EGFR: variants seen among roughly 807,000 people sequenced by gnomAD.
EGFR encodes the protein epidermal growth factor receptor.
EGFR carries 58 observed loss-of-function variants against 143.0 expected under a neutral mutation model. The ratio of observed to expected loss-of-function variants is 0.41; its 90% CI spans 0.33 to 0.50. The LOEUF (loss-of-function observed/expected upper bound fraction) is 0.50, where lower values mean the gene tolerates loss of function less well. EGFR is among the 20% of genes least tolerant of loss of function. The pLI is 0.39. For missense variants in EGFR, 1,307 were observed against 1,579.0 expected (o/e 0.83, Z 2.92); for synonymous variants, 613 against 594.4 (o/e 1.03, Z -0.45).
chr7:55,206,047 A>C lies in EGFR; in HGVS notation c.*430A>C. On this transcript the variant is annotated 3_prime_UTR_variant, in exon 28 of 28. Coordinates refer to ENST00000275493, the MANE Select transcript of EGFR (RefSeq NM_005228.5). ...GCTACCCTGAGTTCATCCAGGCCCAACTGTGAGCAAGGAGCACAAGCCACA... is the reference window on the plus strand; with the variant it reads ...GCTACCCTGAGTTCATCCAGGCCCACCTGTGAGCAAGGAGCACAAGCCACA... 2.8e-6 allele frequency: 1 copy of C among 357,006 alleles called. No individual in the cohort carries two copies. The allele number at this position is 357,006 out of a possible 1,614,324, so 22.1% of individuals were successfully genotyped here. A position where few individuals can be genotyped will look rare whatever the true frequency, so the allele number is the denominator to read the frequency against.
intron 1 of EGFR, among the ~76,000 whole-genome samples, chr7:55,080,693 T>C (rs1481147727): frequency 2.0e-5 from 3 of 152,310 alleles, no homozygotes; most frequent in African/African-American, 7.2e-5. Context: ...ATTTTAAGTG[T>C]TCTCACCACA....
intron 1 of EGFR, among the ~76,000 whole-genome samples, chr7:55,042,746 G>A (rs557285900): frequency 1.4e-4 from 21 of 152,120 alleles, no homozygotes; most frequent in Admixed American, 2.0e-4. Flanking sequence ...AATGATAACA[G>A]GTCAAACTTT....
rs1351771123 is a variant in EGFR at position 55,201,743 on chromosome 7, C to G, written c.3123C>G (p.Thr1041=). The change falls in exon 26 of 28, where the codon ACC becomes ACG. Residue 1041 remains threonine, a synonymous_variant. Transcript: ENST00000275493. The part of the protein sequence containing the change: ...RTPLLSSLSA[T]SNNSTVACID... ...CTCTGTTTCTTTTTCAGAGTGCAAC[C>G]AGCAACAATTCCACCGTGGCTTGCA... The G allele has an allele frequency of 1.2e-6, 2 of 1,614,178 alleles. No homozygotes were observed. The highest frequency in any genetic ancestry group is 1.7e-5 in the Admixed American group (1 of 60,024).
intron 1 of EGFR, among the ~76,000 whole-genome samples, chr7:55,024,407 C>A (rs1268891373): frequency 1.3e-5 from 2 of 152,188 alleles, no homozygotes; most frequent in African/African-American, 2.4e-5. Flanking sequence ...CAAGTTTTAT[C>A]TCATTCTGGT....
intron 1 of EGFR, among the ~76,000 whole-genome samples, chr7:55,107,786 C>T (rs1562719941): frequency 6.6e-6 from 1 of 152,234 alleles, no homozygotes; most frequent in Non-Finnish European, 1.5e-5. Context: ...GCCCACTCTG[C>T]ATTATCTTCC....
intron 19 of EGFR, among the ~76,000 whole-genome samples, chr7:55,175,275 G>C (rs921213431): frequency 3.3e-5 from 5 of 152,142 alleles, no homozygotes; most frequent in African/African-American, 1.2e-4. Flanking sequence ...CTTTGAAATG[G>C]CTTTTTTTAA....
chr7:55,173,362 G>A (rs1278361223), intron 17 of EGFR, among the ~76,000 whole-genome samples: 2 of 152,254 alleles, frequency 1.3e-5, no homozygotes, highest in South Asian at 2.1e-4. Flanking sequence ...TGTGGCATCT[G>A]CTTAGGACCC....
At chr7:55,047,223 G>A (rs939026104) in intron 1 of EGFR, among the ~76,000 whole-genome samples, 4 of 152,204 alleles carry the variant, frequency 2.6e-5, no homozygotes, top group African/African-American at 9.6e-5. Context: ...CCTGATTGCA[G>A]GCCATTTGCT....
chr7:55,043,171 G>A (rs189751675), intron 1 of EGFR, among the ~76,000 whole-genome samples: 7 of 152,220 alleles, frequency 4.6e-5, no homozygotes, highest in Admixed American at 1.3e-4. Flanking sequence ...TATGGCCTAC[G>A]AGCTGAGTTG....
At chr7:55,178,135 T>A (rs1786685732) in intron 19 of EGFR, among the ~76,000 whole-genome samples, 1 of 152,234 alleles carries the variant, frequency 6.6e-6, no homozygotes, top group Non-Finnish European at 1.5e-5. Flanking sequence ...CAAACTGCTC[T>A]GGTTTGCAGA....
At chr7:55,123,695 A>G (rs1793346754) in intron 1 of EGFR, among the ~76,000 whole-genome samples, 1 of 152,084 alleles carries the variant, frequency 6.6e-6, no homozygotes, top group Non-Finnish European at 1.5e-5. Flanking sequence ...ATGAATGTCA[A>G]TTCAAATCCC....
intron 2 of EGFR, 84 bp downstream of exon 2, chr7:55,142,521 G>A (rs1794517331): frequency 3.2e-6 from 5 of 1,560,318 alleles, no homozygotes; most frequent in Non-Finnish European, 4.4e-6. Flanking sequence ...CACTTGAAGT[G>A]TGTTTATTTT....
At chr7:55,154,292 C>T (rs889104255) in intron 7 of EGFR, 140 bp downstream of exon 7, 54 of 1,340,926 alleles carry the variant, frequency 4.0e-5, no homozygotes, top group Middle Eastern at 3.8e-4. Context: ...ACCCTGTGCC[C>T]GTCCAGGCAC....
At chr7:55,170,885 G>T in intron 15 of EGFR, 1 of 1,412,454 alleles carries the variant, frequency 7.1e-7, no homozygotes, top group Non-Finnish European at 9.2e-7. Flanking sequence ...AATTATCTGT[G>T]TCAAAAGCCA....
Position 55,210,187 on chromosome 7 carries a change from A to G in EGFR, c.*4570A>G, listed in dbSNP as rs1039241707. 1 of 152,192 alleles carries G rather than the reference A, an allele frequency of 6.6e-6. No individual in the cohort carries two copies. Among genetic ancestry groups the G allele is most frequent in the Non-Finnish European group, 1.5e-5 (1 of 68,026 alleles). The allele number at this position is 152,192 out of a possible 1,614,324, so 9.4% of individuals were successfully genotyped here. ...CCCTGTACATGTAAGAAAAGCAATA[A>G]CATAGCACTTTGTTGGTTTATATAT... On this transcript the variant is annotated 3_prime_UTR_variant, in exon 28 of 28. Transcript: ENST00000275493.
intron 22 of EGFR, among the ~76,000 whole-genome samples, chr7:55,194,222 T>A (rs1787522262): frequency 7.2e-6 from 1 of 138,874 alleles, no homozygotes; most frequent in Non-Finnish European, 1.6e-5. Context: ...CATATATTTT[T>A]TAACTTTTTT....
At chr7:55,112,942 T>C (rs1792602053) in intron 1 of EGFR, among the ~76,000 whole-genome samples, 1 of 152,162 alleles carries the variant, frequency 6.6e-6, no homozygotes, top group South Asian at 2.1e-4. Context: ...AACCTTATCT[T>C]GACGATCCAG....
intron 7 of EGFR, among the ~76,000 whole-genome samples, chr7:55,154,423 A>G (rs1301537909): frequency 6.6e-6 from 1 of 152,104 alleles, no homozygotes; most frequent in Non-Finnish European, 1.5e-5. Context: ...CACAGGAGAA[A>G]CACCTGCTGC....
intron 1 of EGFR, among the ~76,000 whole-genome samples, chr7:55,048,071 G>T (rs1278732731): frequency 5.9e-5 from 9 of 151,890 alleles, no homozygotes; most frequent in Non-Finnish European, 8.8e-5. Context: ...ATATATTAGT[G>T]CACTAGTATA....
Sources: gnomAD v4.1 joint callset for allele counts (sites outside exome capture counted in the v4.1 genomes callset) on GRCh38, gnomAD v4.1.1 for gene constraint, MANE v1.5 for transcripts, NCBI Gene and HGNC (gene_info 2026-07-23, HGNC 2026-07-21) for gene names.